Variants in CCDC148 observed in about 807,000 individuals in gnomAD.
CCDC148 encodes coiled-coil domain containing 148.
A neutral mutation model predicts 85.7 loss-of-function variants in CCDC148; 89 were observed. The ratio of observed to expected loss-of-function variants is 1.04; its 90% confidence interval spans 0.87 to 1.24. CCDC148 has a LOEUF of 1.24. Among genes scored for constraint, CCDC148 ranks in the 50% most tolerant of loss-of-function variants. CCDC148 has a pLI of 0.00. For missense variants in CCDC148, 692 were observed against 671.7 expected, an observed-to-expected ratio of 1.03 and a Z score of -0.33; for synonymous variants, 230 against 213.9, an observed-to-expected ratio of 1.08 and a Z score of -0.66.
chr2:158,217,355 TAAA>T (rs1234208585), intron 11 of CCDC148, among the ~76,000 whole-genome samples: 1 of 112,654 alleles, frequency 8.9e-6, no homozygotes. Context: ...TATATATATA[TAAA>T]ATTTTGTGTG....
chr2:158,358,599 A>G lies in CCDC148; in HGVS notation c.26-29T>C, dbSNP rs200608763. ...TTAGTCATAAAAATAGAAAAATGAC[A>G]AAGAAAGAATATCATGTTATTGGAA... On this transcript the variant is annotated intron_variant, in intron 1 of 13. Coordinates refer to ENST00000283233, the MANE Select transcript of CCDC148 (RefSeq NM_138803.4). 2.1e-3 allele frequency: 3,104 copies of G among 1,466,262 alleles called. 12 individuals carry two copies. The highest frequency in any genetic ancestry group is 2.0e-3 in the Non-Finnish European group (2,138 of 1,095,324). The allele number at this position is 1,466,262 out of a possible 1,614,324, so 90.8% of individuals were successfully genotyped here.
At chr2:158,229,928 T>G (rs1025349349) in intron 10 of CCDC148, among the ~76,000 whole-genome samples, 4 of 152,198 alleles carry the variant, frequency 2.6e-5, no homozygotes, top group African/African-American at 9.6e-5. Context: ...CTTTTTCCCA[T>G]GTGCACATCT....
chr2:158,257,147 C>G (rs990119150), intron 9 of CCDC148, among the ~76,000 whole-genome samples: 14 of 151,594 alleles, frequency 9.2e-5, no homozygotes, highest in African/African-American at 3.4e-4. Context: ...GACTCCTGAT[C>G]CCTGCTTTCC....
intron 9 of CCDC148, among the ~76,000 whole-genome samples, chr2:158,285,210 C>A (rs937658478): frequency 5.0e-4 from 75 of 151,408 alleles, no homozygotes; most frequent in Non-Finnish European, 1.5e-4. Context: ...ATCGCTTGAA[C>A]CTCGGAGACA....
Position 158,369,748 on chromosome 2 carries a change from C to A in CCDC148, c.26-11178G>T, listed in dbSNP as rs184919316. Among the ~76,000 whole-genome samples the A allele has an allele frequency of 2.3e-3, 353 of 152,138 alleles. 1 individual carries two copies. The highest frequency in any genetic ancestry group is 8.0e-3 in the African/African-American group (333 of 41,500). ...GGGAGAGGGCATCCTTGTCTTGTGCCAGTTTTCAAGGGGAATCCTTCCAGC... is the reference window on the plus strand; with the variant it reads ...GGGAGAGGGCATCCTTGTCTTGTGCAAGTTTTCAAGGGGAATCCTTCCAGC... On this transcript the variant is annotated intron_variant, in intron 1 of 13. Transcript: ENST00000283233.
intron 1 of CCDC148, among the ~76,000 whole-genome samples, chr2:158,437,439 G>A (rs1256979957): frequency 1.3e-5 from 2 of 152,086 alleles, no homozygotes; most frequent in Non-Finnish European, 2.9e-5. Flanking sequence ...GCTTCATGCT[G>A]AAAACTCTTA....
chr2:158,443,396 T>C (rs1688018976), intron 1 of CCDC148, among the ~76,000 whole-genome samples: 1 of 149,678 alleles, frequency 6.7e-6, no homozygotes, highest in African/African-American at 2.5e-5. Flanking sequence ...CCCAGCTACT[T>C]AGCAGGCTGA....
intron 10 of CCDC148, 102 bp downstream of exon 10, chr2:158,250,670 A>G: frequency 7.0e-7 from 1 of 1,422,088 alleles, no homozygotes; most frequent in Non-Finnish European, 9.2e-7. Context: ...GAATGTTCTC[A>G]GAACTGCTTA....
At position 158,305,522 on chromosome 2, in the gene CCDC148, G is replaced by C. The variant is rs74843118; in HGVS notation, c.1110+3911C>G. Among the ~76,000 whole-genome samples the C allele has an allele frequency of 7.4e-3, 1,122 of 152,256 alleles. 22 individuals are homozygous for C. Among genetic ancestry groups the C allele is most frequent in the African/African-American group, 0.026 (1,070 of 41,544 alleles). ...GTGCTTTGGGAAGCCAACGCAGGAA[G>C]ATTGCTTGAGGCCAGAAGCTCAAGA... On this transcript the variant is annotated intron_variant, in intron 9 of 13. Transcript: ENST00000283233.
At chr2:158,267,088 G>A (rs772167974) in intron 9 of CCDC148, among the ~76,000 whole-genome samples, 3 of 151,614 alleles carry the variant, frequency 2.0e-5, no homozygotes, top group Non-Finnish European at 2.9e-5. Context: ...AACCTCTCCC[G>A]AACTAGATAA....
At chr2:158,177,380 G>A (rs1386172014) in intron 12 of CCDC148, among the ~76,000 whole-genome samples, 8 of 152,082 alleles carry the variant, frequency 5.3e-5, no homozygotes, top group Admixed American at 3.3e-4. Flanking sequence ...TTAGCATGAA[G>A]AAAATGGCAT....
intron 1 of CCDC148, among the ~76,000 whole-genome samples, chr2:158,437,731 A>T (rs1372934456): frequency 1.3e-5 from 2 of 152,204 alleles, no homozygotes; most frequent in Admixed American, 6.5e-5. Flanking sequence ...AGAAAACCCC[A>T]TCGTCTCAGC....
chr2:158,410,649 C>T (rs1409008848), intron 1 of CCDC148, among the ~76,000 whole-genome samples: 1 of 152,118 alleles, frequency 6.6e-6, no homozygotes. Context: ...CTCACATACA[C>T]ACGTTGTGTT....
chr2:158,366,131 T>A, intron 1 of CCDC148: 1 of 1,250,836 alleles, frequency 8.0e-7, no homozygotes, highest in South Asian at 1.5e-5. Context: ...TAAATGTTTT[T>A]AAAGCTGTGT....
At chr2:158,210,245 GCA>G (rs1686488514) in intron 11 of CCDC148, among the ~76,000 whole-genome samples, 1 of 152,116 alleles carries the variant, frequency 6.6e-6, no homozygotes, top group African/African-American at 2.4e-5. Context: ...AAGTATCCAA[GCA>G]ACAAGAAGAG....
At chr2:158,220,512 C>A in intron 11 of CCDC148, 83 bp downstream of exon 11, 1 of 883,508 alleles carries the variant, frequency 1.1e-6, no homozygotes, top group African/African-American at 1.7e-5. Flanking sequence ...AAAAAAGTTC[C>A]CTCTGATATT....
intron 1 of CCDC148, among the ~76,000 whole-genome samples, chr2:158,424,245 C>G (rs1686958009): frequency 6.6e-6 from 1 of 152,188 alleles, no homozygotes. Context: ...ATAAATCATG[C>G]TGCTATAAAG....
intron 2 of CCDC148, among the ~76,000 whole-genome samples, chr2:158,350,582 G>A (rs1417323744): frequency 2.0e-5 from 3 of 152,072 alleles, no homozygotes; most frequent in Admixed American, 2.0e-4. Flanking sequence ...GAGAGTAGAG[G>A]ATTCTAAAAC....
chr2:158,397,787 CTTAAAAGTAA>C (rs879346548), intron 1 of CCDC148, among the ~76,000 whole-genome samples: 19 of 152,172 alleles, frequency 1.2e-4, no homozygotes, highest in Admixed American at 9.8e-4. Flanking sequence ...CAATATTAAC[CTTAAAAGTAA>C]ATGGGCTAGG....
Sources: gnomAD v4.1 joint callset for allele counts (sites outside exome capture counted in the v4.1 genomes callset) on GRCh38, gnomAD v4.1.1 for gene constraint, MANE v1.5 for transcripts, NCBI Gene and HGNC (gene_info 2026-07-23, HGNC 2026-07-21) for gene names.